Variants in KHNYN observed in about 807,000 individuals in gnomAD.
The protein encoded by KHNYN is KH and NYN domain containing.
KHNYN carries 42 observed loss-of-function variants against 62.7 expected under a neutral mutation model. The observed-to-expected ratio is 0.67, with a 90% CI of 0.52 to 0.87. The LOEUF (loss-of-function observed/expected upper bound fraction) is 0.87. Among genes scored for constraint, KHNYN ranks in the 40% least tolerant of loss-of-function variants. The pLI is 0.00. For synonymous variants in KHNYN, 347 were observed against 345.6 expected (o/e 1.00, Z -0.04); for missense variants, 829 against 874.1 (o/e 0.95, Z 0.65).
chr14:24,431,702 G>A lies in KHNYN; in HGVS notation c.441G>A (p.Thr147=). ...ELAERLSWDF[T]PGPSSGASQC... is the part of the protein sequence containing the mutation. Reference sequence around the variant, plus strand: ...CAGAGCGGCTGAGCTGGGACTTCACGCCAGGACCATCTTCCGGAGCCTCTC... The same window carrying A: ...CAGAGCGGCTGAGCTGGGACTTCACACCAGGACCATCTTCCGGAGCCTCTC... Residue 147 remains threonine (T), a synonymous_variant, in exon 3 of 8, where the codon ACG becomes ACA. Coordinates refer to ENST00000553935, the MANE Select transcript of KHNYN (RefSeq NM_015299.3). 1 of 1,614,200 alleles carries A rather than the reference G, an allele frequency of 6.2e-7. No individual in the cohort carries two copies. The highest frequency in any genetic ancestry group is 8.5e-7 in the Non-Finnish European group (1 of 1,180,038).
Position 24,437,989 on chromosome 14 carries a change from G to T in KHNYN, c.*704G>T, listed in dbSNP as rs1026371350. Reference sequence around the variant, plus strand: ...GGTGTGTCTGCCTGTGGCTGCACAGGCTCTCTAACCGAAACCTCACTTTCA... The same window carrying T: ...GGTGTGTCTGCCTGTGGCTGCACAGTCTCTCTAACCGAAACCTCACTTTCA... On this transcript the variant is annotated 3_prime_UTR_variant, in exon 8 of 8. Transcript: ENST00000553935. The surrounding 1 kb of genome is among the most constrained non-coding windows in gnomAD (Gnocchi z 5.5). 7 of 152,548 alleles carry T rather than the reference G, an allele frequency of 4.6e-5. No individual in the cohort carries two copies. Among genetic ancestry groups the T allele is most frequent in the African/African-American group, 1.2e-4 (5 of 41,438 alleles). The allele number at this position is 152,548 out of a possible 1,614,324, so 9.4% of individuals were successfully genotyped here.
chr14:24,441,662 T>TG lies in KHNYN; in HGVS notation c.*4383dup, dbSNP rs1490280065. On this transcript the variant is annotated 3_prime_UTR_variant, in exon 8 of 8. Transcript: ENST00000553935. Reference sequence around the variant, plus strand: ...TGGCGAATATAAGGGGCTGGTGATTTGGGGGGCGTACCTACACCTGTGACT... The same window carrying TG: ...TGGCGAATATAAGGGGCTGGTGATTTGGGGGGGCGTACCTACACCTGTGACT... The TG allele has an allele frequency of 1.9e-6, 3 of 1,571,608 alleles. No individual in the cohort carries two copies. The highest frequency in any genetic ancestry group is 2.6e-6 in the Non-Finnish European group (3 of 1,164,770).
upstream of KHNYN, chr14:24,428,043 A>C: frequency 6.5e-7 from 1 of 1,541,458 alleles, no homozygotes; most frequent in South Asian, 1.2e-5. Flanking sequence ...AGGACCCCCC[A>C]CTTTCCCAGG....
At chr14:24,429,247 C>T, upstream of KHNYN, 1 of 707,808 alleles carries the variant, frequency 1.4e-6, no homozygotes, top group Non-Finnish European at 2.4e-6. Flanking sequence ...GCAGTTCCCT[C>T]CTCCTTGGCA....
In KHNYN at chr14:24,437,662, G is replaced by T; in HGVS notation, c.*377G>T. The stretch of plus-strand genomic sequence containing the variant: ...GGAAGTTAAGCTGTTCCTCTCCCTG[G>T]CTGCTGCTCTGGATGGCCAGAGAAC... On this transcript the variant is annotated 3_prime_UTR_variant, in exon 8 of 8. Transcript: ENST00000553935. The surrounding 1 kb of genome is among the most constrained non-coding windows in gnomAD (Gnocchi z 5.5). 5.4e-6 allele frequency: 1 copy of T among 185,414 alleles called. No homozygotes were observed. The allele number at this position is 185,414 out of a possible 1,614,324, so 11.5% of individuals were successfully genotyped here.
rs542953228 is a variant in KHNYN, at chr14:24,440,625, G to T, written c.*3340G>T. 4 of 1,358,396 alleles carry T rather than the reference G, an allele frequency of 2.9e-6. No individual in the cohort carries two copies. In the African/African-American group the frequency reaches 4.4e-5, roughly 15 times the overall value. The allele number at this position is 1,358,396 out of a possible 1,614,324, so 84.1% of individuals were successfully genotyped here. A position where few individuals can be genotyped will look rare whatever the true frequency, so the allele number is the denominator to read the frequency against. ...CTCTGTAACAGAAGTGAGCAGTATGGCTGTCTTTAAGACCTCACACCTTCT... is the reference window on the plus strand; with the variant it reads ...CTCTGTAACAGAAGTGAGCAGTATGTCTGTCTTTAAGACCTCACACCTTCT... On this transcript the variant is annotated 3_prime_UTR_variant, in exon 8 of 8. Coordinates refer to ENST00000553935, the MANE Select transcript of KHNYN (RefSeq NM_015299.3).
At position 24,432,750 on chromosome 14, in the gene KHNYN, C is replaced by T. The variant is rs752220870; in HGVS notation, c.1378C>T (p.Arg460Trp). The T allele has an allele frequency of 1.9e-5, 31 of 1,614,190 alleles. No homozygotes were observed. Among genetic ancestry groups the T allele is most frequent in the Admixed American group, 5.0e-5 (3 of 60,024 alleles). Residue 460 changes from arginine (R) to tryptophan (W), a missense_variant, in exon 4 of 8, where the codon CGG becomes TGG. Physicochemically the swap from Arg to Trp is moderately radical, Grantham distance 101. Coordinates refer to ENST00000553935, the MANE Select transcript of KHNYN (RefSeq NM_015299.3). This position sits in a 1 kb window ranked among gnomAD's most constrained non-coding sequence, Gnocchi z 5.6. ...TGGCCTCCAGCACTACTTCTCCAGC[C>T]GGGGCATTGCCATTGCTGTGCAGTA... ...VHGLQHYFSS[R>W]GIAIAVQYFW...
chr14:24,427,806 G>A (rs370461144), upstream of KHNYN: 83 of 1,613,984 alleles, frequency 5.1e-5, no homozygotes, highest in Non-Finnish European at 6.4e-5. This position sits in a 1 kb window ranked among gnomAD's most constrained non-coding sequence, Gnocchi z 4.4. Flanking sequence ...GGGAAGATGA[G>A]GAAGCCAGAG....
upstream of KHNYN, chr14:24,429,158 T>C: frequency 1.6e-6 from 2 of 1,230,386 alleles, no homozygotes; most frequent in Non-Finnish European, 2.2e-6. Flanking sequence ...TCGTCTGCCC[T>C]CTCTAGGCTC....
intron 5 of KHNYN, chr14:24,435,363 G>A (rs1594757436): frequency 6.6e-6 from 1 of 152,540 alleles, no homozygotes; most frequent in South Asian, 2.1e-4. Context: ...CCAGGCCTGG[G>A]TGTGTGGACT....
At position 24,437,476 on chromosome 14, in the gene KHNYN, C is replaced by A; in HGVS notation, c.*191C>A. On this transcript the variant is annotated 3_prime_UTR_variant, in exon 8 of 8. Coordinates refer to ENST00000553935, the MANE Select transcript of KHNYN (RefSeq NM_015299.3). This position sits in a 1 kb window ranked among gnomAD's most constrained non-coding sequence, Gnocchi z 5.5. ...TACCGAGTCAGGACCTCAGCCAGCT[C>A]TCAAGAGGTTCTGCTCAGCCTTAAC... 1.6e-6 allele frequency: 1 copy of A among 630,158 alleles called. No homozygotes were observed. The highest frequency in any genetic ancestry group is 2.7e-6 in the Non-Finnish European group (1 of 375,382). The allele number at this position is 630,158 out of a possible 1,614,324, so 39.0% of individuals were successfully genotyped here.
intron 5 of KHNYN, among the ~76,000 whole-genome samples, chr14:24,433,484 C>T (rs962237819): frequency 1.3e-5 from 2 of 152,140 alleles, no homozygotes; most frequent in African/African-American, 4.8e-5. Context: ...CTGTACAAAA[C>T]ATGGTATAAT....
Position 24,432,234 on chromosome 14 carries a change from C to A in KHNYN, c.973C>A (p.Pro325Thr). ...GGGGFCVHRE[P>T]PGAHGSCHRA... ...AGGAGGGTTCTGTGTCCACCGTGAG[C>A]CTCCCGGTGCCCATGGCTCCTGTCA... The change falls in exon 3 of 8, where the codon CCT becomes ACT. Residue 325 changes from proline to threonine, a missense_variant. Around this residue, in one of 2 missense-constraint regions of KHNYN, gnomAD observed 559 missense variants for 527.0 expected, o/e 1.06. Coordinates refer to ENST00000553935, the MANE Select transcript of KHNYN (RefSeq NM_015299.3). The surrounding 1 kb of genome is among the most constrained non-coding windows in gnomAD (Gnocchi z 5.6). The A allele has an allele frequency of 6.2e-7, 1 of 1,607,390 alleles. No homozygotes were observed. Among genetic ancestry groups the A allele is most frequent in the Middle Eastern group, 1.7e-4 (1 of 6,020 alleles).
rs546834265 is a variant in KHNYN at position 24,440,418 on chromosome 14, T to C, written c.*3133T>C. On this transcript the variant is annotated 3_prime_UTR_variant, in exon 8 of 8. Transcript: ENST00000553935. ...GGGAAGAATTGGTGGCCTGAGCCGATGGGGCCCCCCAGGCCCAGGCGAAAG... is the reference window on the plus strand; with the variant it reads ...GGGAAGAATTGGTGGCCTGAGCCGACGGGGCCCCCCAGGCCCAGGCGAAAG... The C allele has an allele frequency of 3.7e-6, 6 of 1,613,404 alleles. No individual in the cohort carries two copies. Among genetic ancestry groups the C allele is most frequent in the South Asian group, 1.1e-5 (1 of 90,974 alleles).
chr14:24,425,044 A>G (rs1241646703), upstream of KHNYN, among the ~76,000 whole-genome samples: 3 of 152,176 alleles, frequency 2.0e-5, no homozygotes, highest in Non-Finnish European at 1.5e-5. Flanking sequence ...TACTAAAAAT[A>G]CAAAAAATTA....
At position 24,441,103 on chromosome 14, in the gene KHNYN, GA is replaced by G; in HGVS notation, c.*3819del. The G allele has an allele frequency of 1.5e-6, 1 of 650,558 alleles. No individual in the cohort carries two copies. Among genetic ancestry groups the G allele is most frequent in the Non-Finnish European group, 2.7e-6 (1 of 372,750 alleles). 40.3% of individuals were successfully genotyped at this position (650,558 alleles called of 1,614,324 possible). Reference sequence around the variant, plus strand: ...CATGACCTGAAGCGTTCCTTCCCTGGAGGAACTCTGGTTGCAGGGCTAAACT... The same window carrying G: ...CATGACCTGAAGCGTTCCTTCCCTGGGGAACTCTGGTTGCAGGGCTAAACT... On this transcript the variant is annotated 3_prime_UTR_variant, in exon 8 of 8. Coordinates refer to ENST00000553935, the MANE Select transcript of KHNYN (RefSeq NM_015299.3).
Position 24,441,213 on chromosome 14 carries a change from C to G in KHNYN, c.*3928C>G. 1.9e-6 allele frequency: 1 copy of G among 514,092 alleles called. No individual in the cohort carries two copies. The highest frequency in any genetic ancestry group is 3.5e-6 in the Non-Finnish European group (1 of 286,330). 31.8% of individuals were successfully genotyped at this position (514,092 alleles called of 1,614,324 possible). On this transcript the variant is annotated 3_prime_UTR_variant, in exon 8 of 8. Transcript: ENST00000553935. Reference sequence around the variant, plus strand: ...TTTAATCAGCTCCCTCATTTATTAACTCTCTGACTTGATGCAAGTTACTTA... The same window carrying G: ...TTTAATCAGCTCCCTCATTTATTAAGTCTCTGACTTGATGCAAGTTACTTA...
chr14:24,427,469 G>A (rs936535944), upstream of KHNYN: 1 of 317,840 alleles, frequency 3.1e-6, no homozygotes, highest in East Asian at 8.1e-5. The surrounding 1 kb of genome is among the most constrained non-coding windows in gnomAD (Gnocchi z 4.4). Flanking sequence ...TGGGGTGGGG[G>A]AACCGGAGGA....
chr14:24,432,969 G>C lies in KHNYN; in HGVS notation c.1514G>C (p.Ser505Thr), dbSNP rs2043147622. Residue 505 changes from serine to threonine, a missense_variant, in exon 5 of 8, where the codon AGC (serine) becomes ACC (threonine). Coordinates refer to ENST00000553935, the MANE Select transcript of KHNYN (RefSeq NM_015299.3). The surrounding 1 kb of genome is among the most constrained non-coding windows in gnomAD (Gnocchi z 5.6). ...SHFLQKLYSL[S>T]LLSLTPSRVM... ...TTCCTGCAAAAGCTGTATTCCCTCAGCCTGCTCTCCCTCACACCCTCACGA... is the reference window on the plus strand; with the variant it reads ...TTCCTGCAAAAGCTGTATTCCCTCACCCTGCTCTCCCTCACACCCTCACGA... The C allele has an allele frequency of 6.2e-7, 1 of 1,614,036 alleles. No homozygotes were observed. Among genetic ancestry groups the C allele is most frequent in the East Asian group, 2.2e-5 (1 of 44,894 alleles).
Sources: gnomAD v4.1 joint callset for allele counts (sites outside exome capture counted in the v4.1 genomes callset) on GRCh38, gnomAD v4.1.1 for gene constraint, gnomAD v4.1.1 regional missense constraint, Gnocchi (gnomAD v3.1) non-coding constraint, MANE v1.5 for transcripts, NCBI Gene and HGNC (gene_info 2026-07-23, HGNC 2026-07-21) for gene names.